PWWP3A: variants seen among roughly 807,000 people sequenced by gnomAD.
PWWP3A encodes the protein PWWP domain-containing DNA repair factor 3A.
PWWP3A carries 53 observed loss-of-function variants against 79.0 expected under a neutral mutation model. The observed-to-expected ratio is 0.67, with a 90% CI of 0.54 to 0.84. The LOEUF (loss-of-function observed/expected upper bound fraction) is 0.84. PWWP3A is among the 40% of genes least tolerant of loss of function. PWWP3A has a pLI of 0.00. For missense variants in PWWP3A, 973 were observed against 948.0 expected (o/e 1.03, Z -0.35); for synonymous variants, 443 against 394.4 (o/e 1.12, Z -1.46).
rs374404267 is a variant in PWWP3A, at chr19:1,373,168, G to A, written c.2075+8G>A. 9.9e-6 allele frequency: 16 copies of A among 1,611,680 alleles called. No homozygotes were observed. Among genetic ancestry groups the A allele is most frequent in the African/African-American group, 2.7e-5 (2 of 74,918 alleles). On this transcript the variant is annotated splice_region_variant and intron_variant, in intron 13 of 13. Coordinates refer to ENST00000591337, the MANE Select transcript of PWWP3A (RefSeq NM_001369789.1). ...GCCTTCGCTGAGCTACCGGTAGGCC[G>A]CTCCCGGCGCTATCTCCAGCCACTT...
In PWWP3A at chr19:1,360,840, G is replaced by A. The variant is rs1209601107; in HGVS notation, c.919G>A (p.Gly307Ser). ...CPAKKRPRLDGSQRPPAVQLE... is the reference protein window; with the variant it reads ...CPAKKRPRLDSSQRPPAVQLE... The stretch of plus-strand genomic sequence containing the variant: ...TGCGAAAAAGAGGCCGCGCCTGGAT[G>A]GCAGCCAAAGGCCGCCTGCCGTGCA... The change falls in exon 5 of 14, where the codon GGC becomes AGC. Residue 307 changes from glycine to serine, a missense_variant. By Grantham distance (56) the Gly-to-Ser change is moderately conservative. Transcript: ENST00000591337. This position sits in a 1 kb window ranked among gnomAD's most constrained non-coding sequence, Gnocchi z 4.4. 6.4e-7 allele frequency: 1 copy of A among 1,554,684 alleles called. No individual in the cohort carries two copies. Among genetic ancestry groups the A allele is most frequent in the Non-Finnish European group, 8.7e-7 (1 of 1,151,530 alleles).
chr19:1,365,722 C>T (rs2082113995), intron 7 of PWWP3A, among the ~76,000 whole-genome samples: 1 of 152,242 alleles, frequency 6.6e-6, no homozygotes, highest in Admixed American at 6.5e-5. Context: ...TTCTGGGGTC[C>T]CTGCTGGGTT....
intron 13 of PWWP3A, among the ~76,000 whole-genome samples, chr19:1,376,295 GTTTTTTTTTTTGTTTGT>G (rs1333724412): frequency 6.0e-5 from 4 of 67,048 alleles, no homozygotes; most frequent in Admixed American, 1.8e-4. Flanking sequence ...CCGGCTGTTT[GTTTTTTTTTTTGTTTGT>G]TTTTTTTTTT....
At chr19:1,366,656 C>G (rs1384889340) in intron 8 of PWWP3A, among the ~76,000 whole-genome samples, 1 of 152,260 alleles carries the variant, frequency 6.6e-6, no homozygotes, top group African/African-American at 2.4e-5. Flanking sequence ...GCAGCCCAAC[C>G]AGACACTCAC....
chr19:1,376,297 T>TTTTG (rs2082395011), intron 13 of PWWP3A, among the ~76,000 whole-genome samples: 3 of 89,288 alleles, frequency 3.4e-5, no homozygotes, highest in African/African-American at 6.2e-5. Flanking sequence ...GGCTGTTTGT[T>TTTTG]TTTTTTTTTG....
In PWWP3A at chr19:1,375,426, A is replaced by T. The variant is rs1464328306; in HGVS notation, c.2076-1093A>T. ...TATATAATATATATTATATATATAA[A>T]ATATATATAGCCATATATATTTATA... On this transcript the variant is annotated intron_variant, in intron 13 of 13. Coordinates refer to ENST00000591337, the MANE Select transcript of PWWP3A (RefSeq NM_001369789.1). Among the ~76,000 whole-genome samples the T allele has an allele frequency of 4.9e-4, 37 of 74,950 alleles. 1 individual carries two copies. The highest frequency in any genetic ancestry group is 4.1e-3 in the Admixed American group (25 of 6,108). The allele number at this position is 74,950 out of a possible 152,430, so 49.2% of individuals were successfully genotyped here. A position where few individuals can be genotyped will look rare whatever the true frequency, so the allele number is the denominator to read the frequency against.
At position 1,377,898 on chromosome 19, in the gene PWWP3A, C is replaced by CG. The variant is rs1454438057; in HGVS notation, c.*1323dup. On this transcript the variant is annotated 3_prime_UTR_variant, in exon 14 of 14. Coordinates refer to ENST00000591337, the MANE Select transcript of PWWP3A (RefSeq NM_001369789.1). ...GAACACGATTGTCTCAGATGCAGGG[C>CG]GCTGTGCGGGACGAAGCCGCAAGGA... is the stretch of plus-strand genomic sequence containing the variant. The CG allele has an allele frequency of 3.3e-5, 5 of 152,258 alleles. No individual in the cohort carries two copies. The highest frequency in any genetic ancestry group is 3.3e-4 in the Admixed American group (5 of 15,288). The allele number at this position is 152,258 out of a possible 1,614,324, so 9.4% of individuals were successfully genotyped here. A position where few individuals can be genotyped will look rare whatever the true frequency, so the allele number is the denominator to read the frequency against.
intron 3 of PWWP3A, 162 bp downstream of exon 3, chr19:1,357,256 C>G: frequency 1.8e-6 from 1 of 568,136 alleles, no homozygotes; most frequent in Admixed American, 3.6e-5. Flanking sequence ...GAGAAAGCAA[C>G]TAGTTTGATT....
intron 12 of PWWP3A, 78 bp from the exon 13 acceptor site, chr19:1,372,994 T>C (rs2082293992): frequency 7.8e-7 from 1 of 1,275,614 alleles, no homozygotes; most frequent in Non-Finnish European, 1.1e-6. Context: ...CCAGGCTCCC[T>C]GCGGCCTTCT....
At position 1,376,355 on chromosome 19, in the gene PWWP3A, CG is replaced by C. The variant is rs552578545; in HGVS notation, c.2076-163del. ...ATTTTTTGTAGAGACAGGGTTTCAC[CG>C]TGTTAGCCAGGATGGTCCTGATCTC... On this transcript the variant is annotated intron_variant, in intron 13 of 13. Coordinates refer to ENST00000591337, the MANE Select transcript of PWWP3A (RefSeq NM_001369789.1). Among the ~76,000 whole-genome samples, 314 of 135,228 alleles carry C rather than the reference CG, an allele frequency of 2.3e-3. 1 individual carries two copies. Among genetic ancestry groups the C allele is most frequent in the African/African-American group, 8.2e-3 (298 of 36,358 alleles). 88.7% of individuals were successfully genotyped at this position (135,228 alleles called of 152,430 possible). A position where few individuals can be genotyped will look rare whatever the true frequency, so the allele number is the denominator to read the frequency against.
intron 9 of PWWP3A, among the ~76,000 whole-genome samples, chr19:1,367,802 GA>G (rs2082161445): frequency 6.6e-6 from 1 of 152,206 alleles, no homozygotes. Flanking sequence ...TTCCCCTCTG[GA>G]AATACTCATT....
chr19:1,363,308 A>G (rs2082060606), intron 6 of PWWP3A, among the ~76,000 whole-genome samples: 1 of 152,298 alleles, frequency 6.6e-6, no homozygotes, highest in Non-Finnish European at 1.5e-5. Context: ...GCTAATGGTC[A>G]GACTTTTTAA....
At chr19:1,361,093 GA>G (rs2082005428) in intron 5 of PWWP3A, 61 bp downstream of exon 5, 3 of 1,353,338 alleles carry the variant, frequency 2.2e-6, no homozygotes, top group Non-Finnish European at 2.9e-6. Context: ...TCCGCAGCCA[GA>G]CTGGGAGCCA....
At chr19:1,366,598 C>T (rs1376333178) in intron 8 of PWWP3A, among the ~76,000 whole-genome samples, 1 of 152,202 alleles carries the variant, frequency 6.6e-6, no homozygotes, top group Non-Finnish European at 1.5e-5. Context: ...TGTGAAGGGT[C>T]TGGTCAAACA....
At chr19:1,371,190 C>T (rs751122381) in intron 12 of PWWP3A, 112 bp downstream of exon 12, 16 of 1,286,146 alleles carry the variant, frequency 1.2e-5, no homozygotes, top group South Asian at 1.1e-4. Flanking sequence ...GGCCGTTCGG[C>T]GGCCAACGGA....
chr19:1,359,195 G>C (rs1024037569), intron 4 of PWWP3A: 2 of 154,790 alleles, frequency 1.3e-5, no homozygotes, highest in Non-Finnish European at 2.9e-5. Context: ...AAACCTGCCA[G>C]CCTTCCTTCT....
chr19:1,363,444 A>G (rs1280412308), intron 6 of PWWP3A, among the ~76,000 whole-genome samples: 1 of 152,052 alleles, frequency 6.6e-6, no homozygotes, highest in South Asian at 2.1e-4. Flanking sequence ...TGGGGCACCC[A>G]TTGGGGACTT....
chr19:1,356,494 C>G (rs761787003), intron 2 of PWWP3A, 45 bp downstream of exon 2: 3 of 1,586,774 alleles, frequency 1.9e-6, no homozygotes, highest in Middle Eastern at 1.7e-4. Context: ...AAATGACTTT[C>G]GGGTGACAAG....
chr19:1,375,932 C>T (rs552627846), intron 13 of PWWP3A, among the ~76,000 whole-genome samples: 2 of 149,960 alleles, frequency 1.3e-5, no homozygotes, highest in South Asian at 4.2e-4. Context: ...GACTCAGCCT[C>T]CCGAGTGGCT....
Sources: gnomAD v4.1 joint callset for allele counts (sites outside exome capture counted in the v4.1 genomes callset) on GRCh38, gnomAD v4.1.1 for gene constraint, Gnocchi (gnomAD v3.1) non-coding constraint, MANE v1.5 for transcripts, NCBI Gene and HGNC (gene_info 2026-07-23, HGNC 2026-07-21) for gene names.